NOTCH1: variants seen among roughly 807,000 people sequenced by gnomAD.
The protein encoded by NOTCH1 is notch receptor 1, also known as neurogenic locus notch homolog protein 1.
NOTCH1 carries 37 observed loss-of-function variants against 254.8 expected under a neutral mutation model. The ratio of observed to expected loss-of-function variants is 0.15; its 90% confidence interval spans 0.11 to 0.19. The LOEUF (loss-of-function observed/expected upper bound fraction) is 0.19. Among genes scored for constraint, NOTCH1 ranks in the 10% least tolerant of loss-of-function variants. The probability of loss-of-function intolerance (pLI) is 1.00; values close to 1 mark genes in which losing one functional copy is unlikely to be tolerated. For synonymous variants in NOTCH1, 1,731 were observed against 1,618.1 expected (o/e 1.07, Z -1.68); for missense variants, 2,972 against 3,708.6 (o/e 0.80, Z 5.16).
chr9:136,496,860 G>A lies in NOTCH1; in HGVS notation c.6879C>T (p.Ala2293=), dbSNP rs1015422139. The change falls in exon 34 of 34, where the codon GCC becomes GCT. Residue 2293 remains alanine, a synonymous_variant. Transcript: ENST00000651671. ...TGGACCCGCCCACAGTGAAATTCAG[G>A]GCCCCTCCGCTGCTGGAGCCCAGGA... The part of the protein sequence containing the change: ...STVLGSSSGG[A]LNFTVGGSTS... 1 of 1,612,908 alleles carries A rather than the reference G, an allele frequency of 6.2e-7. No homozygotes were observed. Among genetic ancestry groups the A allele is most frequent in the Admixed American group, 1.7e-5 (1 of 60,030 alleles).
At chr9:136,532,665 G>A (rs910473343) in intron 2 of NOTCH1, among the ~76,000 whole-genome samples, 6 of 152,220 alleles carry the variant, frequency 3.9e-5, no homozygotes, top group African/African-American at 7.2e-5. Context: ...GCCCAGCCAC[G>A]AGGACGGCAG....
In NOTCH1 at chr9:136,518,838, G is replaced by A. The variant is rs1004759187; in HGVS notation, c.866-14C>T. ...TACAGTACTGACCTGCAGGGAACAG[G>A]AGCTGTCGGCCCCGGGCAGCTGCCA... is the stretch of plus-strand genomic sequence containing the variant. On this transcript the variant is annotated splice_polypyrimidine_tract_variant and intron_variant, in intron 5 of 33. Coordinates refer to ENST00000651671, the MANE Select transcript of NOTCH1 (RefSeq NM_017617.5). 2 of 1,610,946 alleles carry A rather than the reference G, an allele frequency of 1.2e-6. No individual in the cohort carries two copies. The highest frequency in any genetic ancestry group is 1.7e-6 in the Non-Finnish European group (2 of 1,178,446).
Position 136,496,864 on chromosome 9 carries a change from C to A in NOTCH1, c.6875G>T (p.Gly2292Val), listed in dbSNP as rs1295769772. ...TSTVLGSSSG[G>V]ALNFTVGGST... ...CCCGCCCACAGTGAAATTCAGGGCC[C>A]CTCCGCTGCTGGAGCCCAGGACGGT... Residue 2292 changes from glycine to valine, a missense_variant, in exon 34 of 34, where the codon GGG becomes GTG. This residue lies in a region of NOTCH1 where 529 missense variants were observed against 529.2 expected (regional missense o/e 1.00). Coordinates refer to ENST00000651671, the MANE Select transcript of NOTCH1 (RefSeq NM_017617.5). The A allele has an allele frequency of 6.2e-7, 1 of 1,612,796 alleles. No homozygotes were observed. Among genetic ancestry groups the A allele is most frequent in the Non-Finnish European group, 8.5e-7 (1 of 1,180,012 alleles).
At chr9:136,544,001 G>C in intron 2 of NOTCH1, 23 bp downstream of exon 2, 1 of 1,557,244 alleles carries the variant, frequency 6.4e-7, no homozygotes, top group South Asian at 1.2e-5. Context: ...CAAAGCAACA[G>C]GTCCCGCAGG....
chr9:136,495,508 A>T lies in NOTCH1; in HGVS notation c.*563T>A. Reference sequence around the variant, plus strand: ...CAGATGCAAATTAATCCGCGTGCGGAAGGTGAGCCAGCTTTGCCTCCGTTT... The same window carrying T: ...CAGATGCAAATTAATCCGCGTGCGGTAGGTGAGCCAGCTTTGCCTCCGTTT... On this transcript the variant is annotated 3_prime_UTR_variant, in exon 34 of 34. Transcript: ENST00000651671. 5.0e-6 allele frequency: 2 copies of T among 399,470 alleles called. No individual in the cohort carries two copies. The highest frequency in any genetic ancestry group is 3.5e-5 in the East Asian group (1 of 28,216). 24.7% of individuals were successfully genotyped at this position (399,470 alleles called of 1,614,324 possible). A position where few individuals can be genotyped will look rare whatever the true frequency, so the allele number is the denominator to read the frequency against.
At position 136,505,742 on chromosome 9, in the gene NOTCH1, A is replaced by T. The variant is rs1291346876; in HGVS notation, c.4154T>A (p.Phe1385Tyr). The change falls in exon 25 of 34, where the codon TTC becomes TAC. Residue 1385 changes from phenylalanine (F) to tyrosine (Y), a missense_variant. Physicochemically the swap from Phe to Tyr is conservative, Grantham distance 22 (BLOSUM62 3). This residue lies in a region of NOTCH1 where 1,343 missense variants were observed against 1,557.0 expected (regional missense o/e 0.86). Coordinates refer to ENST00000651671, the MANE Select transcript of NOTCH1 (RefSeq NM_017617.5). ...GCCCAGGCAGGGGCTGCTGGCCGGG[A>T]ACTGGCATTCGGGGCCCGTGAAGGG... The part of the protein sequence containing the change: ...LGPFTGPECQ[F>Y]PASSPCLGGN... 6.3e-7 allele frequency: 1 copy of T among 1,591,192 alleles called. No homozygotes were observed. The highest frequency in any genetic ancestry group is 2.2e-5 in the East Asian group (1 of 44,470).
rs367958775 is a variant in NOTCH1 at position 136,513,587 on chromosome 9, C to T, written c.2208-50G>A. On this transcript the variant is annotated intron_variant, in intron 13 of 33. Transcript: ENST00000651671. The surrounding 1 kb of genome is among the most constrained non-coding windows in gnomAD (Gnocchi z 4.7). ...TCGAGGGAGGCCCGAGCAGCACGGCCGGGGCCTGGGCACTCCCGGGTCTGC... is the reference window on the plus strand; with the variant it reads ...TCGAGGGAGGCCCGAGCAGCACGGCTGGGGCCTGGGCACTCCCGGGTCTGC... 133 of 1,607,652 alleles carry T rather than the reference C, an allele frequency of 8.3e-5. No homozygotes were observed. The highest frequency in any genetic ancestry group is 1.0e-4 in the Non-Finnish European group (121 of 1,177,594).
At position 136,500,542 on chromosome 9, in the gene NOTCH1, C is replaced by T. The variant is rs778371302; in HGVS notation, c.5934+10G>A. On this transcript the variant is annotated intron_variant, in intron 31 of 33. Transcript: ENST00000651671. ...GAGGGCAGGTGGGCACACAGGCAGC[C>T]ACTGCCTACCTGGAAGACACCTTGT... 5.0e-6 allele frequency: 8 copies of T among 1,609,466 alleles called. No individual in the cohort carries two copies. In the East Asian group the frequency reaches 1.8e-4, roughly 36 times the overall value.
rs1333548047 is a variant in NOTCH1 at position 136,509,886 on chromosome 9, C to T, written c.2816G>A (p.Gly939Asp). The change falls in exon 18 of 34, where the codon GGC becomes GAC. Residue 939 changes from glycine (G) to aspartate (D), a missense_variant. Gly to Asp is a moderately conservative substitution (Grantham distance 94, BLOSUM62 -1). Around this residue, in one of 8 missense-constraint regions of NOTCH1, gnomAD observed 1,343 missense variants for 1,557.0 expected, o/e 0.86. Coordinates refer to ENST00000651671, the MANE Select transcript of NOTCH1 (RefSeq NM_017617.5). ...AFCDCLPGFR[G>D]TFCEEDINEC... ...GTTGATGTCCTCCTCACAGAAAGTG[C>T]CCCGGAAGCCGGGCAGGCAGTCGCA... 3 of 1,613,218 alleles carry T rather than the reference C, an allele frequency of 1.9e-6. No homozygotes were observed. Among genetic ancestry groups the T allele is most frequent in the Non-Finnish European group, 2.5e-6 (3 of 1,180,020 alleles).
chr9:136,534,074 C>T (rs966577912), intron 2 of NOTCH1, among the ~76,000 whole-genome samples: 5 of 152,242 alleles, frequency 3.3e-5, no homozygotes, highest in South Asian at 2.1e-4. Flanking sequence ...CCGTCGGCTT[C>T]GTCCTGCCCT....
At chr9:136,515,757 G>A in intron 10 of NOTCH1, 41 bp from the exon 11 acceptor site, 1 of 1,511,006 alleles carries the variant, frequency 6.6e-7, no homozygotes, top group Non-Finnish European at 8.9e-7. Flanking sequence ...ACTTAGGACT[G>A]GCGGCCCCCG....
intron 21 of NOTCH1, 49 bp downstream of exon 21, chr9:136,507,906 T>C: frequency 1.3e-6 from 2 of 1,591,528 alleles, no homozygotes; most frequent in South Asian, 2.2e-5. Context: ...GCCTGGTGTG[T>C]GGCAACACTC....
At position 136,505,651 on chromosome 9, in the gene NOTCH1, C is replaced by T. The variant is rs865986318; in HGVS notation, c.4245G>A (p.Leu1415=). 6.2e-7 allele frequency: 1 copy of T among 1,612,184 alleles called. No homozygotes were observed. The highest frequency in any genetic ancestry group is 1.7e-4 in the Middle Eastern group (1 of 6,058). ...AGAGCCCGTTGAATTTGGCGGGGCACAGGCAACGGTAGAAGGGGCTCTCGG... is the reference window on the plus strand; with the variant it reads ...AGAGCCCGTTGAATTTGGCGGGGCATAGGCAACGGTAGAAGGGGCTCTCGG... The part of the protein sequence containing the change: ...PTSESPFYRC[L]CPAKFNGLLC... The change falls in exon 25 of 34, where the codon CTG becomes CTA. Residue 1415 remains leucine, a synonymous_variant. Transcript: ENST00000651671.
At chr9:136,515,438 G>A (rs753538739) in intron 11 of NOTCH1, 38 bp from the exon 12 acceptor site, 19 of 1,611,680 alleles carry the variant, frequency 1.2e-5, no homozygotes, top group African/African-American at 2.7e-5. Context: ...CCTCAGGCCC[G>A]CCCTGCCCAC....
At chr9:136,537,930 TAAG>T (rs1177346277) in intron 2 of NOTCH1, among the ~76,000 whole-genome samples, 3 of 151,886 alleles carry the variant, frequency 2.0e-5, no homozygotes, top group Non-Finnish European at 2.9e-5. Flanking sequence ...CTGCCCCTAC[TAAG>T]AATACAAAAA....
At position 136,496,860 on chromosome 9, in the gene NOTCH1, G is replaced by C. The variant is rs1015422139; in HGVS notation, c.6879C>G (p.Ala2293=). The change falls in exon 34 of 34, where the codon GCC becomes GCG. Residue 2293 remains alanine (A), a synonymous_variant. Coordinates refer to ENST00000651671, the MANE Select transcript of NOTCH1 (RefSeq NM_017617.5). The part of the protein sequence containing the change: ...STVLGSSSGG[A]LNFTVGGSTS... ...TGGACCCGCCCACAGTGAAATTCAGGGCCCCTCCGCTGCTGGAGCCCAGGA... is the reference window on the plus strand; with the variant it reads ...TGGACCCGCCCACAGTGAAATTCAGCGCCCCTCCGCTGCTGGAGCCCAGGA... 1 of 1,612,790 alleles carries C rather than the reference G, an allele frequency of 6.2e-7. No individual in the cohort carries two copies. The highest frequency in any genetic ancestry group is 1.3e-5 in the African/African-American group (1 of 74,920).
rs775798348 is a variant in NOTCH1, at chr9:136,513,184, T to A, written c.2354-50A>T. ...GCATGTCCAGCACTCCCAGGCACCTTGGCAGGGCCCCACAACAGCAGCCCT... is the reference window on the plus strand; with the variant it reads ...GCATGTCCAGCACTCCCAGGCACCTAGGCAGGGCCCCACAACAGCAGCCCT... On this transcript the variant is annotated intron_variant, in intron 14 of 33. Coordinates refer to ENST00000651671, the MANE Select transcript of NOTCH1 (RefSeq NM_017617.5). This position sits in a 1 kb window ranked among gnomAD's most constrained non-coding sequence, Gnocchi z 4.7. 1 of 1,532,238 alleles carries A rather than the reference T, an allele frequency of 6.5e-7. No homozygotes were observed. Among genetic ancestry groups the A allele is most frequent in the Non-Finnish European group, 9.0e-7 (1 of 1,107,528 alleles). The allele number at this position is 1,532,238 out of a possible 1,614,324, so 94.9% of individuals were successfully genotyped here.
rs747740149 is a variant in NOTCH1 at position 136,515,975 on chromosome 9, C to T, written c.1669+6G>A. On this transcript the variant is annotated splice_donor_region_variant and intron_variant, in intron 10 of 33. Transcript: ENST00000651671. Reference sequence around the variant, plus strand: ...TCCCTCCCCGCTGGTGGGCGCCAGCCCGCACCTTCCGTGCACACACAGGTG... The same window carrying T: ...TCCCTCCCCGCTGGTGGGCGCCAGCTCGCACCTTCCGTGCACACACAGGTG... 6.2e-7 allele frequency: 1 copy of T among 1,605,824 alleles called. No homozygotes were observed. Among genetic ancestry groups the T allele is most frequent in the Non-Finnish European group, 8.5e-7 (1 of 1,176,280 alleles).
rs1043013737 is a variant in NOTCH1 at position 136,545,427 on chromosome 9, G to A, written c.61+299C>T. 5.5e-4 allele frequency among the ~76,000 whole-genome samples: 83 copies of A among 152,138 alleles called. No homozygotes were observed. The highest frequency in any genetic ancestry group is 1.9e-3 in the African/African-American group (79 of 41,530). On this transcript the variant is annotated intron_variant, in intron 1 of 33. Transcript: ENST00000651671. The surrounding 1 kb of genome is among the most constrained non-coding windows in gnomAD (Gnocchi z 6.8). ...GGCCGACCGGCGGCAAGCCCCACGC[G>A]CGGCGGGTGAAGGGCGGGCCCGGAG...
Sources: gnomAD v4.1 joint callset for allele counts (sites outside exome capture counted in the v4.1 genomes callset) on GRCh38, gnomAD v4.1.1 for gene constraint, gnomAD v4.1.1 regional missense constraint, Gnocchi (gnomAD v3.1) non-coding constraint, MANE v1.5 for transcripts, NCBI Gene and HGNC (gene_info 2026-07-23, HGNC 2026-07-21) for gene names.